Variants in TRDN observed in about 807,000 individuals in gnomAD.
TRDN encodes triadin in skeletal muscle.
TRDN carries 161 observed loss-of-function variants against 149.7 expected under a neutral mutation model. The observed-to-expected ratio is 1.08, with a 90% CI of 0.95 to 1.23. The LOEUF (loss-of-function observed/expected upper bound fraction) is 1.23. TRDN is among the 50% of genes most tolerant of loss of function. The pLI, the probability that TRDN is intolerant of heterozygous loss-of-function variation, is 0.00. For missense variants in TRDN, 896 were observed against 823.5 expected (o/e 1.09, Z -1.08); for synonymous variants, 294 against 250.5 (o/e 1.17, Z -1.64).
intron 12 of TRDN, among the ~76,000 whole-genome samples, chr6:123,408,446 G>A (rs935418682): frequency 2.0e-5 from 3 of 152,092 alleles, no homozygotes; most frequent in Non-Finnish European, 4.4e-5. Context: ...GGGAGGCCGA[G>A]GTGGGTGGAT....
At chr6:123,237,974 T>C (rs1351027410) in intron 38 of TRDN, among the ~76,000 whole-genome samples, 4 of 152,136 alleles carry the variant, frequency 2.6e-5, no homozygotes, top group East Asian at 1.9e-4. Context: ...AAGAAAACAA[T>C]AGAGTTGAAT....
chr6:123,453,513 A>C (rs927100369), intron 10 of TRDN, among the ~76,000 whole-genome samples: 4 of 152,210 alleles, frequency 2.6e-5, no homozygotes, highest in Non-Finnish European at 5.9e-5. Flanking sequence ...AAAAATGCTC[A>C]ACATCACTAA....
intron 1 of TRDN, among the ~76,000 whole-genome samples, chr6:123,614,300 C>CAAAA (rs1199509406): frequency 1.0e-5 from 1 of 99,856 alleles, no homozygotes; most frequent in African/African-American, 3.9e-5. Flanking sequence ...AAAAAAAAAA[C>CAAAA]AAAAAAAAAA....
intron 23 of TRDN, among the ~76,000 whole-genome samples, chr6:123,328,338 TG>T (rs373283658): frequency 2.5e-3 from 386 of 152,352 alleles, no homozygotes; most frequent in African/African-American, 8.6e-3. Flanking sequence ...GTACTGAAGA[TG>T]GCAGAGGCCG....
chr6:123,397,586 A>G lies in TRDN; in HGVS notation c.1052-3909T>C, dbSNP rs80003029. Among the ~76,000 whole-genome samples the G allele has an allele frequency of 3.0e-3, 464 of 152,336 alleles. 13 individuals are homozygous for G. The East Asian group carries it at 0.076, about 25-fold the overall frequency. On this transcript the variant is annotated intron_variant, in intron 12 of 40. Coordinates refer to ENST00000334268, the MANE Select transcript of TRDN (RefSeq NM_006073.4). ...ATCCAATTGACTGCTTTGAAATGGA[A>G]CATTAAGCTCAGGGATCTATTTCAC...
intron 23 of TRDN, among the ~76,000 whole-genome samples, chr6:123,317,194 A>C (rs1046791375): frequency 7.2e-5 from 11 of 151,812 alleles, no homozygotes; most frequent in Non-Finnish European, 1.2e-4. Flanking sequence ...CTATATTTTC[A>C]TGTTTCCAGT....
chr6:123,299,718 C>A (rs1176353080), intron 24 of TRDN, among the ~76,000 whole-genome samples: 1 of 151,670 alleles, frequency 6.6e-6, no homozygotes, highest in East Asian at 1.9e-4. Flanking sequence ...TTATATTAAT[C>A]CACTAAATGG....
chr6:123,438,090 C>T lies in TRDN; in HGVS notation c.1024G>A (p.Glu342Lys). Residue 342 changes from glutamate (E) to lysine (K), a missense_variant, in exon 12 of 41, where the codon GAA becomes AAA. Transcript: ENST00000334268. The part of the protein sequence containing the change: ...KEDIKKKSEK[E>K]TAIDVEKKEP... ...TTTTTTTCCACATCAATGGCAGTTT[C>T]CTTCTCACTTTTCTTTTTGATATCT... is the stretch of plus-strand genomic sequence containing the variant. 1.3e-6 allele frequency: 2 copies of T among 1,594,620 alleles called. No homozygotes were observed. Among genetic ancestry groups the T allele is most frequent in the African/African-American group, 1.4e-5 (1 of 73,730 alleles).
At chr6:123,558,862 A>G (rs1781820709) in intron 2 of TRDN, among the ~76,000 whole-genome samples, 1 of 152,168 alleles carries the variant, frequency 6.6e-6, no homozygotes, top group South Asian at 2.1e-4. Flanking sequence ...AAACGCCTGA[A>G]CTGCAGCTGC....
chr6:123,467,547 G>A (rs1442996140), intron 9 of TRDN, among the ~76,000 whole-genome samples: 2 of 152,022 alleles, frequency 1.3e-5, no homozygotes, highest in Non-Finnish European at 2.9e-5. Context: ...ATTAAAAAAA[G>A]AAAGGAGAAG....
At position 123,394,896 on chromosome 6, in the gene TRDN, C is replaced by T. The variant is rs76939448; in HGVS notation, c.1052-1219G>A. Among the ~76,000 whole-genome samples the T allele has an allele frequency of 1.5e-4, 23 of 151,984 alleles. No individual in the cohort carries two copies. The East Asian group carries it at 4.3e-3, about 28-fold the overall frequency. On this transcript the variant is annotated intron_variant, in intron 12 of 40. Transcript: ENST00000334268. ...GAGGAAAACTGCATGCATGCTAGTA[C>T]CATCTTTGTCAAACCTAGACTAAAT...
chr6:123,374,113 A>G (rs1453033913), intron 19 of TRDN, among the ~76,000 whole-genome samples: 2 of 152,152 alleles, frequency 1.3e-5, no homozygotes, highest in Non-Finnish European at 1.5e-5. Context: ...TCTCAACCAT[A>G]TAGGGAGTAG....
chr6:123,584,739 G>T (rs969805738), intron 1 of TRDN, among the ~76,000 whole-genome samples: 3 of 152,258 alleles, frequency 2.0e-5, no homozygotes, highest in Middle Eastern at 3.4e-3. Flanking sequence ...GAGAGGCTGG[G>T]ATGAAGGGTG....
intron 27 of TRDN, among the ~76,000 whole-genome samples, chr6:123,274,160 A>G (rs1027447721): frequency 6.6e-6 from 1 of 152,108 alleles, no homozygotes; most frequent in Non-Finnish European, 1.5e-5. Flanking sequence ...GTTTCTCATA[A>G]TGATATGATG....
intron 12 of TRDN, among the ~76,000 whole-genome samples, chr6:123,408,290 G>A (rs942969194): frequency 1.3e-5 from 2 of 151,950 alleles, no homozygotes; most frequent in African/African-American, 4.8e-5. Context: ...ACTATACATG[G>A]TACTAATTAA....
intron 34 of TRDN, 74 bp from the exon 35 acceptor site, chr6:123,259,736 A>G (rs1776694427): frequency 9.2e-7 from 1 of 1,086,548 alleles, no homozygotes; most frequent in Non-Finnish European, 1.3e-6. Context: ...TGGAGTAAAC[A>G]GTTGGAGATG....
chr6:123,401,114 A>T (rs1772950857), intron 12 of TRDN, among the ~76,000 whole-genome samples: 1 of 152,254 alleles, frequency 6.6e-6, no homozygotes, highest in African/African-American at 2.4e-5. Context: ...TGTGGCAATT[A>T]TCCTCACAAA....
At chr6:123,279,886 T>G (rs1777521039) in intron 24 of TRDN, among the ~76,000 whole-genome samples, 1 of 152,176 alleles carries the variant, frequency 6.6e-6, no homozygotes, top group Admixed American at 6.6e-5. Flanking sequence ...TAACTTTTTC[T>G]TTTAGCAAAG....
intron 20 of TRDN, among the ~76,000 whole-genome samples, chr6:123,362,887 GTAAA>G (rs544676258): frequency 6.6e-6 from 1 of 152,034 alleles, no homozygotes; most frequent in Non-Finnish European, 1.5e-5. Context: ...TATATGGTGA[GTAAA>G]TATGAAAATG....
Sources: gnomAD v4.1 joint callset for allele counts (sites outside exome capture counted in the v4.1 genomes callset) on GRCh38, gnomAD v4.1.1 for gene constraint, MANE v1.5 for transcripts, NCBI Gene and HGNC (gene_info 2026-07-23, HGNC 2026-07-21) for gene names.